Variants in TDRD7 observed in about 807,000 individuals in gnomAD.
TDRD7 encodes the protein tudor domain-containing protein 7.
A neutral mutation model predicts 109.8 loss-of-function variants in TDRD7; 47 were observed. That is an observed-to-expected ratio of 0.43 (90% CI 0.34 to 0.55). The LOEUF (loss-of-function observed/expected upper bound fraction) is 0.55. Among genes scored for constraint, TDRD7 ranks in the 20% least tolerant of loss-of-function variants. The pLI is 0.03. For synonymous variants in TDRD7, 424 were observed against 457.3 expected (o/e 0.93, Z 0.93); for missense variants, 1,164 against 1,319.2 (o/e 0.88, Z 1.82).
chr9:97,438,477 A>T (rs1828241711), intron 4 of TDRD7, among the ~76,000 whole-genome samples: 4 of 152,130 alleles, frequency 2.6e-5, no homozygotes. Context: ...TCATTCTTAC[A>T]ATATTCATTT....
Position 97,478,309 on chromosome 9 carries a change from G to A in TDRD7, c.2167-130G>A, listed in dbSNP as rs78712725. 7,817 of 826,940 alleles carry A rather than the reference G, an allele frequency of 9.5e-3. 246 individuals carry two copies. Among genetic ancestry groups the A allele is most frequent in the East Asian group, 0.083 (3,142 of 37,718 alleles). The allele number at this position is 826,940 out of a possible 1,614,324, so 51.2% of individuals were successfully genotyped here. ...TAGTAAATAAATACATTTTAAATTA[G>A]GGGAAAATTTTAACACTGATAGTCT... On this transcript the variant is annotated intron_variant, in intron 12 of 16. Coordinates refer to ENST00000355295, the MANE Select transcript of TDRD7 (RefSeq NM_014290.3).
chr9:97,475,304 A>G (rs1587888601), intron 11 of TDRD7, 79 bp from the exon 12 acceptor site: 1 of 1,138,252 alleles, frequency 8.8e-7, no homozygotes, highest in East Asian at 2.4e-5. Flanking sequence ...CCAGTGCCAC[A>G]GCGATCTGTT....
At position 97,464,902 on chromosome 9, in the gene TDRD7, T is replaced by C. The variant is rs756926212; in HGVS notation, c.1503T>C (p.Tyr501=). Residue 501 remains tyrosine, a synonymous_variant, in exon 8 of 17, where the codon TAT becomes TAC. Transcript: ENST00000355295. ...TAATGGAAGATGAGATGAAGGAATATTACAGTAAGAATCCTAAGATCACAC... is the reference window on the plus strand; with the variant it reads ...TAATGGAAGATGAGATGAAGGAATACTACAGTAAGAATCCTAAGATCACAC... The part of the protein sequence containing the change: ...QELMEDEMKE[Y]YSKNPKITPV... 6.2e-7 allele frequency: 1 copy of C among 1,614,186 alleles called. No individual in the cohort carries two copies. The highest frequency in any genetic ancestry group is 1.1e-5 in the South Asian group (1 of 91,086).
chr9:97,469,772 A>G (rs182919133), intron 8 of TDRD7, among the ~76,000 whole-genome samples: 1 of 152,334 alleles, frequency 6.6e-6, no homozygotes, highest in East Asian at 1.9e-4. Flanking sequence ...TTGTGTTTAT[A>G]TAATCCTTTT....
At chr9:97,441,904 A>T (rs1333362815) in intron 6 of TDRD7, 29 bp downstream of exon 6, 7 of 1,585,220 alleles carry the variant, frequency 4.4e-6, no homozygotes, top group East Asian at 4.5e-5. Context: ...CTCCCTTCTG[A>T]TACCTCCTCC....
At position 97,488,560 on chromosome 9, in the gene TDRD7, GTTTTT is replaced by G. The variant is rs61689126; in HGVS notation, c.3076+1243_3076+1247del. On this transcript the variant is annotated intron_variant, in intron 16 of 16. Transcript: ENST00000355295. ...CAGACCTTCTTCTTCAGATTTAATG[GTTTTT>G]TTTTTTTTTTTTTTGTTTTCACTTT... is the stretch of plus-strand genomic sequence containing the variant. Among the ~76,000 whole-genome samples, 41 of 140,652 alleles carry G rather than the reference GTTTTT, an allele frequency of 2.9e-4. 1 individual carries two copies. Among genetic ancestry groups the G allele is most frequent in the Middle Eastern group, 4.0e-3 (1 of 250 alleles). The allele number at this position is 140,652 out of a possible 152,430, so 92.3% of individuals were successfully genotyped here. A position where few individuals can be genotyped will look rare whatever the true frequency, so the allele number is the denominator to read the frequency against.
At chr9:97,429,341 T>C (rs1332967450) in intron 2 of TDRD7, among the ~76,000 whole-genome samples, 1 of 152,178 alleles carries the variant, frequency 6.6e-6, no homozygotes, top group African/African-American at 2.4e-5. Flanking sequence ...TACCTACCCA[T>C]TGTACAGCAT....
intron 6 of TDRD7, among the ~76,000 whole-genome samples, chr9:97,449,230 T>C (rs1481732433): frequency 6.6e-6 from 1 of 152,196 alleles, no homozygotes; most frequent in Non-Finnish European, 1.5e-5. Context: ...TGACCAAATG[T>C]GGGCGTTTTC....
chr9:97,465,252 C>A (rs964237059), intron 8 of TDRD7, among the ~76,000 whole-genome samples: 1 of 152,166 alleles, frequency 6.6e-6, no homozygotes, highest in Non-Finnish European at 1.5e-5. Context: ...AAAATAAATT[C>A]CCCATGGGAG....
chr9:97,473,697 A>G (rs190618118), intron 11 of TDRD7, 71 bp downstream of exon 11: 42 of 1,602,418 alleles, frequency 2.6e-5, no homozygotes, highest in Admixed American at 1.5e-4. Flanking sequence ...ACTAAATTGC[A>G]TAAGTATGAA....
intron 6 of TDRD7, among the ~76,000 whole-genome samples, chr9:97,452,752 G>A (rs1828521507): frequency 6.6e-6 from 1 of 152,164 alleles, no homozygotes; most frequent in East Asian, 1.9e-4. Context: ...TGATCTTTAA[G>A]TATTATTCTG....
intron 8 of TDRD7, 36 bp downstream of exon 8, chr9:97,465,064 A>G (rs374729827): frequency 4.4e-5 from 70 of 1,592,140 alleles, no homozygotes; most frequent in Non-Finnish European, 5.7e-5. Flanking sequence ...CATTATGGAT[A>G]CAAATACCTT....
chr9:97,435,904 A>G (rs1424303075), intron 4 of TDRD7, among the ~76,000 whole-genome samples: 1 of 152,176 alleles, frequency 6.6e-6, no homozygotes, highest in Non-Finnish European at 1.5e-5. Context: ...AAACTTTTTG[A>G]GGTCACCAAA....
In TDRD7 at chr9:97,495,808, A is replaced by G. The variant is rs1400825629; in HGVS notation, c.3222A>G (p.Thr1074=). The G allele has an allele frequency of 1.9e-6, 3 of 1,614,108 alleles. No homozygotes were observed. The highest frequency in any genetic ancestry group is 2.5e-6 in the Non-Finnish European group (3 of 1,180,058). The change falls in exon 17 of 17, where the codon ACA becomes ACG. Residue 1074 remains threonine (T), a synonymous_variant. Coordinates refer to ENST00000355295, the MANE Select transcript of TDRD7 (RefSeq NM_014290.3). ...AAGTAGTGGTCTACTTAGTGGACAC[A>G]TCGTTGCCAGACACCGATACCTGGA... ...DRKVVVYLVD[T]SLPDTDTWIH...
rs1423808206 is a variant in TDRD7 at position 97,478,373 on chromosome 9, A to G, written c.2167-66A>G. The G allele has an allele frequency of 3.2e-6, 5 of 1,584,386 alleles. No homozygotes were observed. In the African/African-American group the frequency reaches 5.4e-5, roughly 17 times the overall value. On this transcript the variant is annotated intron_variant, in intron 12 of 16. Transcript: ENST00000355295. ...TGCATTCAGGATTGTACAAAATGTA[A>G]TTGCACAGAAGCATTTTGGTCTTTT...
At chr9:97,473,798 G>C (rs1055256067) in intron 11 of TDRD7, among the ~76,000 whole-genome samples, 172 bp downstream of exon 11, 1 of 152,156 alleles carries the variant, frequency 6.6e-6, no homozygotes, top group African/African-American at 2.4e-5. Flanking sequence ...AGCTTTAAAA[G>C]AAAAACACAA....
chr9:97,478,471 T>A lies in TDRD7; in HGVS notation c.2199T>A (p.Asp733Glu), dbSNP rs1829061017. Reference sequence around the variant, plus strand: ...ATGTTCACAGCAGCCGGGCTCTTGATGTTCAGTTCCTGGACTCTGGCACTG... The same window carrying A: ...ATGTTCACAGCAGCCGGGCTCTTGAAGTTCAGTTCCTGGACTCTGGCACTG... ...ITNVHSSRAL[D>E]VQFLDSGTVT... The change falls in exon 13 of 17, where the codon GAT becomes GAA. Residue 733 changes from aspartate (D) to glutamate (E), a missense_variant. Asp to Glu is a conservative substitution (Grantham distance 45). Around this residue, in one of 5 missense-constraint regions of TDRD7, gnomAD observed 261 missense variants for 336.2 expected, o/e 0.78. Coordinates refer to ENST00000355295, the MANE Select transcript of TDRD7 (RefSeq NM_014290.3). The A allele has an allele frequency of 1.9e-6, 3 of 1,614,074 alleles. No individual in the cohort carries two copies. Among genetic ancestry groups the A allele is most frequent in the African/African-American group, 2.7e-5 (2 of 75,022 alleles).
chr9:97,473,435 A>T (rs532096842), intron 10 of TDRD7, 57 bp from the exon 11 acceptor site: 5 of 1,610,044 alleles, frequency 3.1e-6, no homozygotes, highest in Non-Finnish European at 4.2e-6. Flanking sequence ...CCCTTTAGGT[A>T]GGTAAGAGCT....
At chr9:97,467,437 G>A (rs186038268) in intron 8 of TDRD7, among the ~76,000 whole-genome samples, 98 of 152,228 alleles carry the variant, frequency 6.4e-4, no homozygotes, top group African/African-American at 2.1e-3. Flanking sequence ...TGTGGCCTTA[G>A]GAAAGTTATT....
Sources: allele counts gnomAD v4.1 joint callset (sites outside exome capture counted in the v4.1 genomes callset), GRCh38; gene constraint gnomAD v4.1.1; regional missense constraint gnomAD v4.1.1; transcripts MANE v1.5; gene names NCBI Gene and HGNC (gene_info 2026-07-23, HGNC 2026-07-21).